The following RBFOX1 variants were observed in gnomAD, a reference collection of about 807,000 sequenced individuals.
RBFOX1 encodes RNA binding protein fox-1 homolog 1.
A neutral mutation model predicts 57.7 loss-of-function variants in RBFOX1; 8 were observed. That is an observed-to-expected ratio of 0.14 (90% CI 0.08 to 0.25). The LOEUF is 0.25. Ranked by LOEUF, RBFOX1 falls within the 10% of genes least tolerant of loss-of-function variation. RBFOX1 has a pLI of 1.00. For synonymous variants in RBFOX1, 326 were observed against 222.4 expected (o/e 1.47, Z -4.15); for missense variants, 611 against 548.5 (o/e 1.11, Z -1.14).
intron 4 of RBFOX1, among the ~76,000 whole-genome samples, chr16:7,181,082 C>T (rs920060958): frequency 6.6e-6 from 1 of 152,242 alleles, no homozygotes; most frequent in African/African-American, 2.4e-5. Context: ...CCATGGCTTA[C>T]TGACCCCCTG....
At chr16:5,246,623 A>G (rs2151068711) in intron 1 of RBFOX1, among the ~76,000 whole-genome samples, 1 of 150,754 alleles carries the variant, frequency 6.6e-6, no homozygotes, top group East Asian at 1.9e-4. Context: ...CACCCTGACA[A>G]CCATCATTCT....
At chr16:7,631,815 C>T (rs762758993) in intron 11 of RBFOX1, among the ~76,000 whole-genome samples, 7 of 152,172 alleles carry the variant, frequency 4.6e-5, no homozygotes, top group Non-Finnish European at 1.0e-4. Flanking sequence ...GTTGGGGCAG[C>T]ACCTCCCTGT....
intron 5 of RBFOX1, among the ~76,000 whole-genome samples, chr16:7,533,679 G>C (rs1376931733): frequency 6.6e-6 from 1 of 152,138 alleles, no homozygotes; most frequent in Non-Finnish European, 1.5e-5. Context: ...GTACTGTACT[G>C]AAAGGAAAAA....
chr16:5,366,644 A>G (rs1295056728), intron 1 of RBFOX1: 2 of 430,078 alleles, frequency 4.7e-6, no homozygotes, highest in Non-Finnish European at 4.4e-6. Flanking sequence ...TGGATGACTG[A>G]CCAGGAGGCT....
At chr16:6,647,201 G>T (rs564698592) in intron 2 of RBFOX1, among the ~76,000 whole-genome samples, 6 of 152,224 alleles carry the variant, frequency 3.9e-5, no homozygotes, top group African/African-American at 1.4e-4. Flanking sequence ...GAAAATGAGT[G>T]AGCTCTCTGG....
At chr16:7,480,901 A>G (rs566140846) in intron 4 of RBFOX1, among the ~76,000 whole-genome samples, 138 of 152,236 alleles carry the variant, frequency 9.1e-4, no homozygotes, top group South Asian at 2.1e-3. Context: ...GATGCGAGGG[A>G]CCTGGGAGGG....
At chr16:6,896,777 T>G (rs910420099) in intron 3 of RBFOX1, among the ~76,000 whole-genome samples, 20 of 152,230 alleles carry the variant, frequency 1.3e-4, no homozygotes, top group Admixed American at 7.8e-4. Context: ...GACCCACAAA[T>G]GTACATGAGA....
intron 2 of RBFOX1, among the ~76,000 whole-genome samples, chr16:6,631,425 G>A (rs925756360): frequency 3.3e-5 from 5 of 151,670 alleles, no homozygotes; most frequent in African/African-American, 1.2e-4. Flanking sequence ...TTTTTGTAAG[G>A]GAAAGTTCCC....
intron 4 of RBFOX1, among the ~76,000 whole-genome samples, chr16:7,425,187 T>C (rs1417235387): frequency 6.6e-6 from 1 of 152,242 alleles, no homozygotes; most frequent in Non-Finnish European, 1.5e-5. Context: ...AAGTGCATTT[T>C]TGCTGTAGAA....
chr16:7,643,206 T>A (rs1374233315), intron 11 of RBFOX1, among the ~76,000 whole-genome samples: 1 of 152,192 alleles, frequency 6.6e-6, no homozygotes, highest in Non-Finnish European at 1.5e-5. Flanking sequence ...GTGAATGGTG[T>A]GTGTGTCTTT....
chr16:5,488,983 G>A (rs1422507808), intron 2 of RBFOX1, among the ~76,000 whole-genome samples: 2 of 152,224 alleles, frequency 1.3e-5, no homozygotes, highest in Non-Finnish European at 1.5e-5. Flanking sequence ...GTCTTTGCAA[G>A]TGTTCTGGTA....
chr16:6,842,563 C>T (rs1044200388), intron 3 of RBFOX1, among the ~76,000 whole-genome samples: 1 of 151,534 alleles, frequency 6.6e-6, no homozygotes. Context: ...TTTAATGGCT[C>T]TGCAGTGTTC....
intron 6 of RBFOX1, among the ~76,000 whole-genome samples, chr16:7,584,366 C>G (rs2093980199): frequency 6.6e-6 from 1 of 152,170 alleles, no homozygotes; most frequent in African/African-American, 2.4e-5. Flanking sequence ...AATCTTGGTT[C>G]ACTGCAACCT....
intron 4 of RBFOX1, among the ~76,000 whole-genome samples, chr16:7,467,484 C>T (rs905815655): frequency 3.3e-5 from 5 of 152,132 alleles, no homozygotes; most frequent in African/African-American, 1.2e-4. Context: ...ACATTCAACC[C>T]TTAGAATGTT....
intron 4 of RBFOX1, among the ~76,000 whole-genome samples, chr16:5,885,647 T>C (rs41453244): frequency 0.016 from 2,461 of 152,272 alleles, 79 homozygotes; most frequent in African/African-American, 0.056. Context: ...TCTTTCAGAA[T>C]TTCCGCTATG....
chr16:6,370,050 G>A (rs1406620090), intron 2 of RBFOX1, among the ~76,000 whole-genome samples: 2 of 152,024 alleles, frequency 1.3e-5, no homozygotes, highest in African/African-American at 4.8e-5. Context: ...TTATGATCTT[G>A]ACATTTTTTT....
chr16:6,188,775 A>G (rs1488461068), intron 1 of RBFOX1, among the ~76,000 whole-genome samples: 1 of 152,214 alleles, frequency 6.6e-6, no homozygotes, highest in Admixed American at 6.5e-5. Context: ...TTAAATGCAA[A>G]TGAAAATGTC....
At chr16:7,392,656 G>T (rs1172788895) in intron 4 of RBFOX1, among the ~76,000 whole-genome samples, 10 of 152,156 alleles carry the variant, frequency 6.6e-5, no homozygotes, top group Admixed American at 6.5e-4. Flanking sequence ...AGCTGAGTAG[G>T]TGATAAAGCC....
intron 4 of RBFOX1, among the ~76,000 whole-genome samples, chr16:5,994,093 C>G: frequency 1.3e-5 from 2 of 152,226 alleles, no homozygotes; most frequent in Middle Eastern, 6.8e-3. Context: ...GGGGCTCGTT[C>G]GACTCTCTCT....
Sources: gnomAD v4.1 joint callset for allele counts (sites outside exome capture counted in the v4.1 genomes callset) on GRCh38, gnomAD v4.1.1 for gene constraint, MANE v1.5 for transcripts, NCBI Gene and HGNC (gene_info 2026-07-23, HGNC 2026-07-21) for gene names.